Variants in CCDC91 observed in about 807,000 individuals in gnomAD.
The protein encoded by CCDC91 is coiled-coil domain containing 91, also known as coiled-coil domain-containing protein 91.
In CCDC91, 48 loss-of-function variants were observed where a neutral mutation model predicts 63.2. The observed-to-expected ratio is 0.76, with a 90% confidence interval of 0.60 to 0.97. The LOEUF (loss-of-function observed/expected upper bound fraction) is 0.97. Ranked by LOEUF, CCDC91 falls within the 50% of genes least tolerant of loss-of-function variation. The pLI, the probability that CCDC91 is intolerant of heterozygous loss-of-function variation, is 0.00. For synonymous variants in CCDC91, 167 were observed against 165.8 expected (o/e 1.01, Z -0.06); for missense variants, 500 against 494.6 (o/e 1.01, Z -0.10).
chr12:28,193,883 G>A (rs4931732), intron 1 of CCDC91, among the ~76,000 whole-genome samples: 41,937 of 152,242 alleles, frequency 0.28, 6,020 homozygotes, highest in Non-Finnish European at 0.31. Context: ...TCGTTTGTTC[G>A]TTTTTAATAG....
chr12:28,305,414 G>A (rs771954250), intron 3 of CCDC91, among the ~76,000 whole-genome samples: 27 of 152,018 alleles, frequency 1.8e-4, no homozygotes, highest in Non-Finnish European at 3.4e-4. Flanking sequence ...AAACTATTTT[G>A]TTTGCCTGGA....
At chr12:28,258,910 T>C (rs1261519910) in intron 2 of CCDC91, among the ~76,000 whole-genome samples, 1 of 152,066 alleles carries the variant, frequency 6.6e-6, no homozygotes, top group African/African-American at 2.4e-5. Context: ...CTAGGTAGTA[T>C]ATTATTCAAG....
intron 3 of CCDC91, chr12:28,302,626 A>C: frequency 1.0e-6 from 1 of 983,360 alleles, no homozygotes; most frequent in Non-Finnish European, 1.2e-6. Flanking sequence ...GAGTCAGGGA[A>C]TGTTAGTAGT....
chr12:28,354,933 T>A (rs906118776), intron 6 of CCDC91, among the ~76,000 whole-genome samples: 3 of 152,180 alleles, frequency 2.0e-5, no homozygotes, highest in African/African-American at 7.2e-5. Context: ...TTGTTGTAAT[T>A]GTCCCATACA....
chr12:28,297,970 T>G (rs1045588691), intron 3 of CCDC91, among the ~76,000 whole-genome samples: 7 of 151,788 alleles, frequency 4.6e-5, no homozygotes, highest in African/African-American at 1.7e-4. Context: ...ACAGATTTTC[T>G]TCTAAGGGTT....
chr12:28,439,018 A>G (rs1237406630), intron 8 of CCDC91, among the ~76,000 whole-genome samples: 1 of 152,164 alleles, frequency 6.6e-6, no homozygotes, highest in Non-Finnish European at 1.5e-5. Context: ...GAAAATATAA[A>G]CCAGGCCTGC....
At chr12:28,203,916 C>T (rs2121519492) in intron 1 of CCDC91, among the ~76,000 whole-genome samples, 1 of 152,034 alleles carries the variant, frequency 6.6e-6, no homozygotes, top group South Asian at 2.1e-4. Context: ...TGTGCTATGC[C>T]TGAACATATT....
intron 6 of CCDC91, among the ~76,000 whole-genome samples, chr12:28,327,738 C>T (rs1941144981): frequency 6.6e-6 from 1 of 152,144 alleles, no homozygotes; most frequent in Non-Finnish European, 1.5e-5. Flanking sequence ...ACAACGACGC[C>T]ACTTCAGTAG....
At chr12:28,216,573 T>C (rs1345144993) in intron 1 of CCDC91, among the ~76,000 whole-genome samples, 2 of 151,852 alleles carry the variant, frequency 1.3e-5, no homozygotes, top group Non-Finnish European at 2.9e-5. Context: ...CATTAATTGG[T>C]TTTGTATGTA....
intron 3 of CCDC91, among the ~76,000 whole-genome samples, chr12:28,297,512 T>C (rs144080770): frequency 1.0e-3 from 156 of 152,092 alleles, no homozygotes; most frequent in African/African-American, 3.4e-3. Context: ...TGCTGACTTA[T>C]ATTCTCTAAA....
At chr12:28,218,442 C>A (rs1565626637) in intron 1 of CCDC91, among the ~76,000 whole-genome samples, 2 of 146,684 alleles carry the variant, frequency 1.4e-5, no homozygotes, top group African/African-American at 2.5e-5. Flanking sequence ...ACCAATAACT[C>A]CTCAAGCTGG....
At chr12:28,507,832 C>A (rs1307393972) in intron 12 of CCDC91, among the ~76,000 whole-genome samples, 2 of 151,906 alleles carry the variant, frequency 1.3e-5, no homozygotes, top group African/African-American at 4.8e-5. Context: ...AAGTTCAGCA[C>A]CTATCGGGGT....
At chr12:28,261,721 T>C (rs61922969) in intron 3 of CCDC91, among the ~76,000 whole-genome samples, 28,000 of 151,932 alleles carry the variant, frequency 0.18, 3,396 homozygotes, top group Non-Finnish European at 0.28. Flanking sequence ...ATCTAATTCC[T>C]CTTCTCTAGG....
At chr12:28,334,371 A>G (rs1406415473) in intron 6 of CCDC91, among the ~76,000 whole-genome samples, 1 of 152,194 alleles carries the variant, frequency 6.6e-6, no homozygotes, top group African/African-American at 2.4e-5. Context: ...AGCACCTAAT[A>G]TGAGCTCTTT....
chr12:28,406,050 C>A (rs1195002339), intron 8 of CCDC91, among the ~76,000 whole-genome samples: 3 of 152,010 alleles, frequency 2.0e-5, no homozygotes, highest in African/African-American at 4.8e-5. Context: ...CAGGTGATTC[C>A]CATCAGCCAG....
chr12:28,409,837 C>T (rs115233211), intron 8 of CCDC91, among the ~76,000 whole-genome samples: 124 of 151,884 alleles, frequency 8.2e-4, no homozygotes, highest in African/African-American at 2.8e-3. Context: ...CTAAATATGT[C>T]GGTGTTTTTC....
intron 6 of CCDC91, among the ~76,000 whole-genome samples, chr12:28,335,784 C>T (rs543349445): frequency 7.9e-5 from 12 of 152,080 alleles, no homozygotes; most frequent in African/African-American, 2.9e-4. Context: ...GGCAAACATT[C>T]TTATCTCCCC....
intron 12 of CCDC91, among the ~76,000 whole-genome samples, chr12:28,510,236 C>CGTGTGTGTGTGTGTGTGTGTGT (rs567113847): frequency 0.069 from 9,317 of 135,938 alleles, 445 homozygotes; most frequent in Non-Finnish European, 0.1. Context: ...GTCAATAGGG[C>CGTGTGTGTGTGTGTGTGTGTGT]ATGTGTGTGT....
chr12:28,396,866 T>C (rs1946327515), intron 8 of CCDC91, among the ~76,000 whole-genome samples: 1 of 151,998 alleles, frequency 6.6e-6, no homozygotes, highest in African/African-American at 2.4e-5. Flanking sequence ...ATATGTTGAG[T>C]TTATATTGCC....
Sources: allele counts gnomAD v4.1 joint callset (sites outside exome capture counted in the v4.1 genomes callset), GRCh38; gene constraint gnomAD v4.1.1; transcripts MANE v1.5; gene names NCBI Gene and HGNC (gene_info 2026-07-23, HGNC 2026-07-21).